Variants in VEPH1 observed in about 807,000 individuals in gnomAD.
VEPH1 encodes the protein ventricular zone expressed PH domain containing 1.
Under a neutral mutation model 85.2 loss-of-function variants are expected in VEPH1, and 80 were observed. That is an observed-to-expected ratio of 0.94 (90% CI 0.78 to 1.13). The LOEUF (loss-of-function observed/expected upper bound fraction) is 1.13, where lower values mean the gene tolerates loss of function less well. VEPH1 is among the 50% of genes most tolerant of loss of function. The pLI is 0.00. For missense variants in VEPH1, 955 were observed against 980.5 expected (o/e 0.97, Z 0.35); for synonymous variants, 297 against 348.0 (o/e 0.85, Z 1.63).
intron 5 of VEPH1, among the ~76,000 whole-genome samples, chr3:157,425,166 A>G (rs188452183): frequency 2.0e-5 from 3 of 152,360 alleles, no homozygotes; most frequent in East Asian, 3.9e-4. Context: ...GTAAACCCCA[A>G]GCCTTTACAA....
intron 7 of VEPH1, among the ~76,000 whole-genome samples, chr3:157,367,203 T>G (rs1006124020): frequency 1.4e-4 from 21 of 152,248 alleles, no homozygotes; most frequent in Non-Finnish European, 4.4e-5. Flanking sequence ...TATACATTGG[T>G]AGATTGCAAG....
At chr3:157,309,706 AT>A (rs1160044045) in intron 11 of VEPH1, among the ~76,000 whole-genome samples, 3 of 151,974 alleles carry the variant, frequency 2.0e-5, no homozygotes, top group African/African-American at 7.2e-5. Context: ...GCATTTCCAC[AT>A]TTTGATGCCT....
chr3:157,274,652 C>T (rs1191605775), intron 12 of VEPH1, among the ~76,000 whole-genome samples: 1 of 152,136 alleles, frequency 6.6e-6, no homozygotes, highest in Non-Finnish European at 1.5e-5. Context: ...TGCATGCCAT[C>T]ACACCTGGAT....
chr3:157,360,711 A>G (rs1431171708), intron 9 of VEPH1, among the ~76,000 whole-genome samples: 2 of 152,160 alleles, frequency 1.3e-5, no homozygotes, highest in African/African-American at 2.4e-5. Context: ...CAAAGCCTAT[A>G]TAATAAAGCT....
intron 5 of VEPH1, 27 bp from the exon 6 acceptor site, chr3:157,414,117 G>T: frequency 2.0e-6 from 3 of 1,499,426 alleles, no homozygotes; most frequent in Non-Finnish European, 2.7e-6. Context: ...GAGGAGGAGG[G>T]AAGAAAGAAG....
intron 3 of VEPH1, among the ~76,000 whole-genome samples, chr3:157,465,644 G>T (rs910051601): frequency 6.6e-6 from 1 of 152,182 alleles, no homozygotes; most frequent in African/African-American, 2.4e-5. Flanking sequence ...GCTCTCCACT[G>T]TCTGAGGCAC....
rs147574752 is a variant in VEPH1 at position 157,364,520 on chromosome 3, A to G, written c.1128-8T>C. ...TCAGTGCTGATTTTTCTCCTAAAGGAATATAAATCATTGCATTAGATGCAG... is the reference window on the plus strand; with the variant it reads ...TCAGTGCTGATTTTTCTCCTAAAGGGATATAAATCATTGCATTAGATGCAG... On this transcript the variant is annotated splice_polypyrimidine_tract_variant and splice_region_variant and intron_variant, in intron 7 of 13. Coordinates refer to ENST00000362010, the MANE Select transcript of VEPH1 (RefSeq NM_001167912.2). 9.4e-4 allele frequency: 1,517 copies of G among 1,611,210 alleles called. 17 individuals are homozygous for G. The African/African-American group carries it at 0.018, about 19-fold the overall frequency.
intron 2 of VEPH1, among the ~76,000 whole-genome samples, chr3:157,494,820 C>T (rs1489348513): frequency 6.6e-6 from 1 of 152,152 alleles, no homozygotes; most frequent in Non-Finnish European, 1.5e-5. Context: ...TTCAGCCTCC[C>T]ACACACACCC....
At chr3:157,419,543 T>C (rs1273243287) in intron 5 of VEPH1, among the ~76,000 whole-genome samples, 2 of 152,242 alleles carry the variant, frequency 1.3e-5, no homozygotes, top group South Asian at 2.1e-4. Context: ...AAAGAAGACA[T>C]TCATGTGGCC....
chr3:157,293,466 T>C (rs1405885259), intron 11 of VEPH1, among the ~76,000 whole-genome samples: 1 of 152,204 alleles, frequency 6.6e-6, no homozygotes, highest in Non-Finnish European at 1.5e-5. Flanking sequence ...AATTTCTTCT[T>C]GGAAAATCAT....
At chr3:157,442,734 A>T (rs1249409162) in intron 4 of VEPH1, 1 of 1,614,102 alleles carries the variant, frequency 6.2e-7, no homozygotes, top group Non-Finnish European at 8.5e-7. Context: ...CACAGGTCAC[A>T]TTGTTCCTGA....
At position 157,458,503 on chromosome 3, in the gene VEPH1, CT is replaced by C. The variant is rs1011178139; in HGVS notation, c.529+1677del. ...CTTGCTTGTTGAATTGCTTAAGTTC[CT>C]TATAGATTCTGGATATTAGACCTTT... is the stretch of plus-strand genomic sequence containing the variant. On this transcript the variant is annotated intron_variant, in intron 4 of 13. Transcript: ENST00000362010. Among the ~76,000 whole-genome samples the C allele has an allele frequency of 1.5e-4, 23 of 152,156 alleles. 1 individual carries two copies. The highest frequency in any genetic ancestry group is 5.1e-4 in the African/African-American group (21 of 41,530).
chr3:157,261,051 G>T lies in VEPH1; in HGVS notation c.*83C>A. On this transcript the variant is annotated 3_prime_UTR_variant, in exon 14 of 14. Transcript: ENST00000362010. ...ATTTAGTAAAAAACAACATGGCTTG[G>T]TAAATTTAGCTCTTTTTCTTGACAT... is the stretch of plus-strand genomic sequence containing the variant. The T allele has an allele frequency of 6.5e-7, 1 of 1,545,502 alleles. No individual in the cohort carries two copies. The highest frequency in any genetic ancestry group is 8.7e-7 in the Non-Finnish European group (1 of 1,144,964).
intron 12 of VEPH1, among the ~76,000 whole-genome samples, chr3:157,285,990 C>CA (rs1405592846): frequency 1.3e-5 from 2 of 152,186 alleles, no homozygotes; most frequent in African/African-American, 4.8e-5. Flanking sequence ...TAGCACAGGG[C>CA]ATGACTTGTA....
intron 2 of VEPH1, among the ~76,000 whole-genome samples, chr3:157,475,561 C>T (rs1465693339): frequency 6.6e-6 from 1 of 152,054 alleles, no homozygotes; most frequent in African/African-American, 2.4e-5. Flanking sequence ...CCAGAGTGCA[C>T]AAATAAGCTG....
At position 157,400,591 on chromosome 3, in the gene VEPH1, G is replaced by A. The variant is rs190946518; in HGVS notation, c.906+13290C>T. 3.4e-3 allele frequency among the ~76,000 whole-genome samples: 522 copies of A among 152,076 alleles called. 3 individuals carry two copies. The highest frequency in any genetic ancestry group is 0.012 in the African/African-American group (482 of 41,500). On this transcript the variant is annotated intron_variant, in intron 6 of 13. Transcript: ENST00000362010. ...TTTTAAAGGGCAGAAAACTTGACAT[G>A]GTCTGCTGTCAAATAAGTTTTTTTC...
chr3:157,438,066 C>A, intron 4 of VEPH1: 1 of 753,220 alleles, frequency 1.3e-6, no homozygotes, highest in South Asian at 1.8e-5. Flanking sequence ...CACACACACA[C>A]ACACACCCCT....
intron 5 of VEPH1, among the ~76,000 whole-genome samples, chr3:157,422,941 A>G (rs145338877): frequency 6.6e-6 from 1 of 152,142 alleles, no homozygotes; most frequent in East Asian, 1.9e-4. Flanking sequence ...AAAGATAACA[A>G]CTGGTGAGCC....
At chr3:157,459,538 T>G in intron 4 of VEPH1, 1 of 951,226 alleles carries the variant, frequency 1.1e-6, no homozygotes, top group Non-Finnish European at 1.3e-6. Flanking sequence ...ATTAATATCA[T>G]GTATTGTTCT....
Sources: gnomAD v4.1 joint callset for allele counts (sites outside exome capture counted in the v4.1 genomes callset) on GRCh38, gnomAD v4.1.1 for gene constraint, MANE v1.5 for transcripts, NCBI Gene and HGNC (gene_info 2026-07-23, HGNC 2026-07-21) for gene names.